Variants in UBE2T observed in about 807,000 individuals in gnomAD.
UBE2T encodes the protein ubiquitin conjugating enzyme E2 T, also known as ubiquitin-conjugating enzyme E2 T.
Under a neutral mutation model 23.3 loss-of-function variants are expected in UBE2T, and 15 were observed. The ratio of observed to expected loss-of-function variants is 0.64; its 90% confidence interval spans 0.43 to 0.99. The LOEUF (loss-of-function observed/expected upper bound fraction) is 0.99, where lower values mean the gene tolerates loss of function less well. Among genes scored for constraint, UBE2T ranks in the 50% least tolerant of loss-of-function variants. UBE2T has a pLI of 0.00. For missense variants in UBE2T, 197 were observed against 234.9 expected (o/e 0.84, Z 1.05); for synonymous variants, 67 against 78.4 (o/e 0.85, Z 0.77).
rs115732555 is a variant in UBE2T at position 202,333,715 on chromosome 1, A to G, written c.180-160T>C. On this transcript the variant is annotated intron_variant, in intron 3 of 6. Coordinates refer to ENST00000646651, the MANE Select transcript of UBE2T (RefSeq NM_014176.4). ...TCTCTTCCTAAATTTTCACTATGAA[A>G]ATTTAAAATAAATCAGTTTGAAATA... Among the ~76,000 whole-genome samples the G allele has an allele frequency of 3.6e-3, 548 of 152,308 alleles. 5 individuals carry two copies. Among genetic ancestry groups the G allele is most frequent in the Non-Finnish European group, 4.8e-3 (326 of 68,020 alleles).
At chr1:202,332,375 C>T (rs1275364866) in intron 6 of UBE2T, among the ~76,000 whole-genome samples, 1 of 152,098 alleles carries the variant, frequency 6.6e-6, no homozygotes, top group Admixed American at 6.6e-5. Flanking sequence ...GTTAAAAGGA[C>T]AACTTAGAAA....
rs764559937 is a variant in UBE2T at position 202,333,522 on chromosome 1, G to C, written c.213C>G (p.Leu71=). 6 of 1,614,028 alleles carry C rather than the reference G, an allele frequency of 3.7e-6. No homozygotes were observed. The Admixed American group carries it at 1.0e-4, about 27-fold the overall frequency. ...YPFEPPQIRF[L]TPIYHPNIDS... ...CAATGTTTGGATGATAAATTGGAGTGAGAAATCGGATCTGAGGAGGTTCAA... is the reference window on the plus strand; with the variant it reads ...CAATGTTTGGATGATAAATTGGAGTCAGAAATCGGATCTGAGGAGGTTCAA... Residue 71 remains leucine, a synonymous_variant, in exon 4 of 7, where the codon CTC becomes CTG. Coordinates refer to ENST00000646651, the MANE Select transcript of UBE2T (RefSeq NM_014176.4).
chr1:202,341,306 C>T (rs958278139), intron 1 of UBE2T, among the ~76,000 whole-genome samples: 1 of 152,014 alleles, frequency 6.6e-6, no homozygotes, highest in African/African-American at 2.4e-5. Flanking sequence ...AGGCCGGGCG[C>T]GGTGGCTCAC....
At chr1:202,334,788 G>A (rs963259177) in intron 3 of UBE2T, among the ~76,000 whole-genome samples, 1 of 152,166 alleles carries the variant, frequency 6.6e-6, no homozygotes, top group Non-Finnish European at 1.5e-5. Context: ...AAGTGAGGGG[G>A]TCTTTGATGT....
chr1:202,335,847 T>C lies in UBE2T; in HGVS notation c.-64-29A>G. 1 of 1,125,120 alleles carries C rather than the reference T, an allele frequency of 8.9e-7. No homozygotes were observed. Among genetic ancestry groups the C allele is most frequent in the Non-Finnish European group, 1.3e-6 (1 of 758,062 alleles). The allele number at this position is 1,125,120 out of a possible 1,614,324, so 69.7% of individuals were successfully genotyped here. A position where few individuals can be genotyped will look rare whatever the true frequency, so the allele number is the denominator to read the frequency against. The stretch of plus-strand genomic sequence containing the variant: ...GAGGAGAAAAGAGGTGACCATAAAA[T>C]CATCAGCAATAATGACTATGAAGTT... On this transcript the variant is annotated intron_variant, in intron 1 of 6. Coordinates refer to ENST00000646651, the MANE Select transcript of UBE2T (RefSeq NM_014176.4). This position sits in a 1 kb window ranked among gnomAD's most constrained non-coding sequence, Gnocchi z 4.0.
At chr1:202,332,013 G>C (rs1386242125) in intron 6 of UBE2T, 53 bp from the exon 7 acceptor site, 6 of 1,591,048 alleles carry the variant, frequency 3.8e-6, no homozygotes, top group Non-Finnish European at 5.1e-6. Flanking sequence ...TGCCAGGATG[G>C]AGAAAAATGA....
chr1:202,335,899 G>T lies in UBE2T; in HGVS notation c.-64-81C>A. 1.5e-6 allele frequency: 1 copy of T among 664,632 alleles called. No individual in the cohort carries two copies. The allele number at this position is 664,632 out of a possible 1,614,324, so 41.2% of individuals were successfully genotyped here. ...TCAGCAAACAGCTTCAATGTAGTGA[G>T]GGTGGGGGACAGAGTCCTCTTTTTT... is the stretch of plus-strand genomic sequence containing the variant. On this transcript the variant is annotated intron_variant, in intron 1 of 6. Coordinates refer to ENST00000646651, the MANE Select transcript of UBE2T (RefSeq NM_014176.4). The surrounding 1 kb of genome is among the most constrained non-coding windows in gnomAD (Gnocchi z 4.0).
intron 1 of UBE2T, among the ~76,000 whole-genome samples, chr1:202,341,636 A>C (rs1655008838): frequency 6.7e-6 from 1 of 149,892 alleles, no homozygotes; most frequent in Admixed American, 6.7e-5. Flanking sequence ...CGCAGCAAGT[A>C]CTGGGCTGTT....
At position 202,339,578 on chromosome 1, in the gene UBE2T, C is replaced by T. The variant is rs796745681; in HGVS notation, c.-65+2317G>A. On this transcript the variant is annotated intron_variant, in intron 1 of 6. Coordinates refer to ENST00000646651, the MANE Select transcript of UBE2T (RefSeq NM_014176.4). ...TCACGCCACTGCACCCCAGCCTGGGCGATAGATTAGGACTCTGTCTCAAAA... is the reference window on the plus strand; with the variant it reads ...TCACGCCACTGCACCCCAGCCTGGGTGATAGATTAGGACTCTGTCTCAAAA... 1.3e-4 allele frequency among the ~76,000 whole-genome samples: 16 copies of T among 124,074 alleles called. No individual in the cohort carries two copies. In the South Asian group the frequency reaches 3.1e-3, roughly 24 times the overall value. 81.4% of individuals were successfully genotyped at this position (124,074 alleles called of 152,430 possible).
chr1:202,335,771 G>T lies in UBE2T; in HGVS notation c.-17C>A, dbSNP rs370459544. On this transcript the variant is annotated 5_prime_UTR_variant, in exon 2 of 7. Coordinates refer to ENST00000646651, the MANE Select transcript of UBE2T (RefSeq NM_014176.4). This position sits in a 1 kb window ranked among gnomAD's most constrained non-coding sequence, Gnocchi z 4.0. The stretch of plus-strand genomic sequence containing the variant: ...TCTCTGCATGATCCCCAAGTAGAAG[G>T]AACCACACACAGTTCACTGCTCCAC... 3.1e-6 allele frequency: 5 copies of T among 1,611,118 alleles called. No individual in the cohort carries two copies. The highest frequency in any genetic ancestry group is 4.2e-6 in the Non-Finnish European group (5 of 1,177,612).
chr1:202,332,932 A>C (rs1403941727), intron 6 of UBE2T, 78 bp downstream of exon 6: 14 of 498,634 alleles, frequency 2.8e-5, no homozygotes, highest in Non-Finnish European at 3.2e-5. Context: ...AAAAAAAAAA[A>C]AAAAAAAACA....
At position 202,335,760 on chromosome 1, in the gene UBE2T, C is replaced by G. The variant is rs766273427; in HGVS notation, c.-6G>C. 6.2e-7 allele frequency: 1 copy of G among 1,613,382 alleles called. No individual in the cohort carries two copies. Among genetic ancestry groups the G allele is most frequent in the Non-Finnish European group, 8.5e-7 (1 of 1,179,520 alleles). ...AGACGTGAAGCTCTCTGCATGATCC[C>G]CAAGTAGAAGGAACCACACACAGTT... On this transcript the variant is annotated 5_prime_UTR_variant, in exon 2 of 7. Transcript: ENST00000646651. This position sits in a 1 kb window ranked among gnomAD's most constrained non-coding sequence, Gnocchi z 4.0.
At chr1:202,336,360 T>G (rs116106071) in intron 1 of UBE2T, among the ~76,000 whole-genome samples, 1 of 152,008 alleles carries the variant, frequency 6.6e-6, no homozygotes. Flanking sequence ...TAGCTGGAAG[T>G]ACAGGTGTGT....
chr1:202,331,857 T>C lies in UBE2T; in HGVS notation c.572A>G (p.Lys191Arg). The change falls in exon 7 of 7, where the codon AAG becomes AGG. Residue 191 changes from lysine (K) to arginine (R), a missense_variant. Physicochemically the swap from Lys to Arg is conservative, Grantham distance 26. Transcript: ENST00000646651. ...RKASQLVGIE[K>R]KFHPDV ...CCCCTAAACATCAGGATGAAATTTC[T>C]TTTCTATGCCTACTAGCTGACTGGC... The C allele has an allele frequency of 6.2e-7, 1 of 1,614,144 alleles. No homozygotes were observed. Among genetic ancestry groups the C allele is most frequent in the African/African-American group, 1.3e-5 (1 of 75,046 alleles).
intron 6 of UBE2T, among the ~76,000 whole-genome samples, chr1:202,332,350 T>C (rs910221358): frequency 1.1e-4 from 16 of 152,310 alleles, no homozygotes; most frequent in South Asian, 6.2e-4. Context: ...CCTGCAAATA[T>C]AGATTCTTCT....
chr1:202,332,091 A>G, intron 6 of UBE2T, 131 bp from the exon 7 acceptor site: 5 of 1,141,278 alleles, frequency 4.4e-6, no homozygotes, highest in Non-Finnish European at 5.9e-6. Flanking sequence ...TGCATACGAT[A>G]TTCTCTCAAA....
chr1:202,337,764 C>T (rs1309948136), intron 1 of UBE2T, among the ~76,000 whole-genome samples: 1 of 152,128 alleles, frequency 6.6e-6, no homozygotes, highest in South Asian at 2.1e-4. Flanking sequence ...GTATAACTGG[C>T]AAATACAAAT....
chr1:202,335,434 C>T lies in UBE2T; in HGVS notation c.109+212G>A. The T allele has an allele frequency of 1.7e-6, 1 of 576,452 alleles. No homozygotes were observed. The highest frequency in any genetic ancestry group is 3.1e-6 in the Non-Finnish European group (1 of 325,228). 35.7% of individuals were successfully genotyped at this position (576,452 alleles called of 1,614,324 possible). ...ACTGCTTCACTGCTTTAAATCTTGG[C>T]TATAAATCAGCATAAGGTATAATAA... On this transcript the variant is annotated intron_variant, in intron 2 of 6. Transcript: ENST00000646651. The surrounding 1 kb of genome is among the most constrained non-coding windows in gnomAD (Gnocchi z 4.0).
At chr1:202,337,522 A>C (rs1395364659) in intron 1 of UBE2T, among the ~76,000 whole-genome samples, 1 of 152,138 alleles carries the variant, frequency 6.6e-6, no homozygotes, top group Non-Finnish European at 1.5e-5. Flanking sequence ...GTCCAATTTA[A>C]AGTTTTTCCC....
Sources: allele counts gnomAD v4.1 joint callset (sites outside exome capture counted in the v4.1 genomes callset), GRCh38; gene constraint gnomAD v4.1.1; non-coding constraint Gnocchi (gnomAD v3.1); transcripts MANE v1.5; gene names NCBI Gene and HGNC (gene_info 2026-07-23, HGNC 2026-07-21).